Variants in SERPINB12 observed in about 807,000 individuals in gnomAD.
SERPINB12 encodes serpin B12.
Under a neutral mutation model 41.1 loss-of-function variants are expected in SERPINB12, and 57 were observed. The observed-to-expected ratio is 1.39, with a 90% confidence interval of 1.12 to 1.73. SERPINB12 has a LOEUF of 1.73. Ranked by LOEUF, SERPINB12 falls within the 40% of genes most tolerant of loss-of-function variation. SERPINB12 has a pLI of 0.00. For synonymous variants in SERPINB12, 180 were observed against 181.3 expected, an observed-to-expected ratio of 0.99 and a Z score of 0.06; for missense variants, 536 against 501.9, an observed-to-expected ratio of 1.07 and a Z score of -0.65.
At chr18:63,555,909 T>C (rs941925488) in intron 1 of SERPINB12, among the ~76,000 whole-genome samples, 5 of 152,194 alleles carry the variant, frequency 3.3e-5, no homozygotes, top group African/African-American at 1.2e-4. Context: ...TGGTAATTTC[T>C]TATGGCAGCC....
the SERPINB12 span, among the ~76,000 whole-genome samples, chr18:63,520,209 G>A: frequency 2.6e-5 from 4 of 152,194 alleles, no homozygotes; most frequent in Non-Finnish European, 2.9e-5. Flanking sequence ...CTCACACCCA[G>A]TGCAGGCTTG....
At chr18:63,526,125 T>G in the SERPINB12 span, among the ~76,000 whole-genome samples, 2 of 152,198 alleles carry the variant, frequency 1.3e-5, no homozygotes, top group Non-Finnish European at 2.9e-5. Flanking sequence ...CTAGTTGCTG[T>G]ATTTTTGGTA....
At chr18:63,531,639 G>A in the SERPINB12 span, among the ~76,000 whole-genome samples, 3 of 152,116 alleles carry the variant, frequency 2.0e-5, no homozygotes, top group South Asian at 2.1e-4. Flanking sequence ...ACTCAGTTTA[G>A]TGCCTGGCAA....
Position 63,559,688 on chromosome 18 carries a change from T to G in SERPINB12, c.414T>G (p.Leu138=). Residue 138 remains leucine (L), a synonymous_variant, in exon 4 of 8, where the codon CTT becomes CTG. Transcript: ENST00000382768. The stretch of plus-strand genomic sequence containing the variant: ...ACACACTGAGTATTGCCAACAGGCT[T>G]TATGGAGAGCAGGAATTCCCAATCT... ...TDYTLSIANR[L]YGEQEFPICQ... 1 of 1,614,040 alleles carries G rather than the reference T, an allele frequency of 6.2e-7. No homozygotes were observed. The highest frequency in any genetic ancestry group is 8.5e-7 in the Non-Finnish European group (1 of 1,179,968).
At chr18:63,554,881 T>TC (rs1409656042) in intron 1 of SERPINB12, among the ~76,000 whole-genome samples, 1 of 152,114 alleles carries the variant, frequency 6.6e-6, no homozygotes, top group Non-Finnish European at 1.5e-5. Flanking sequence ...GGAGGAAGTT[T>TC]CCCCCATGCT....
chr18:63,558,567 G>C, intron 3 of SERPINB12, 81 bp downstream of exon 3: 1 of 1,440,692 alleles, frequency 6.9e-7, no homozygotes, highest in South Asian at 1.4e-5. Flanking sequence ...GGTGATAGTT[G>C]CTTATCCCCA....
the SERPINB12 span, among the ~76,000 whole-genome samples, chr18:63,523,667 C>G: frequency 3.9e-5 from 6 of 152,164 alleles, no homozygotes; most frequent in Non-Finnish European, 5.9e-5. Context: ...GCCAAGAGTA[C>G]AGAATCAAGT....
In SERPINB12 at chr18:63,559,016, T is replaced by TTCTCTCTTTCTTTCTTTCTTTCTTTCTC. The variant is rs1448711554; in HGVS notation, c.303+533_303+534insCTCTTTCTTTCTTTCTTTCTTTCTCTCT. Among the ~76,000 whole-genome samples, 43 of 60,516 alleles carry TTCTCTCTTTCTTTCTTTCTTTCTTTCTC rather than the reference T, an allele frequency of 7.1e-4. 1 individual carries two copies. The highest frequency in any genetic ancestry group is 1.9e-3 in the African/African-American group (41 of 21,236). 39.7% of individuals were successfully genotyped at this position (60,516 alleles called of 152,430 possible). ...TTTCTTTCCTTCCTTCTTTCTTTCT[T>TTCTCTCTTTCTTTCTTTCTTTCTTTCTC]TCTTTCTTTCTTTCTTTCTTTCTTT... On this transcript the variant is annotated intron_variant, in intron 3 of 7. Transcript: ENST00000382768.
At chr18:63,564,891 A>G (rs565502756) in intron 6 of SERPINB12, among the ~76,000 whole-genome samples, 1 of 152,298 alleles carries the variant, frequency 6.6e-6, no homozygotes, top group South Asian at 2.1e-4. Flanking sequence ...GGAGCTGAAG[A>G]ACTGATTAAA....
At chr18:63,566,207 G>T (rs1193478767) in intron 7 of SERPINB12, among the ~76,000 whole-genome samples, 1 of 152,186 alleles carries the variant, frequency 6.6e-6, no homozygotes, top group African/African-American at 2.4e-5. Context: ...TTCAGAATTT[G>T]CTATGTGCTA....
At chr18:63,519,612 AT>A in the SERPINB12 span, among the ~76,000 whole-genome samples, 12 of 152,220 alleles carry the variant, frequency 7.9e-5, no homozygotes, top group African/African-American at 2.9e-4. Context: ...CATTATTGCA[AT>A]TAACTGTTGA....
chr18:63,568,652 T>C lies in SERPINB12; in HGVS notation c.*1641T>C, dbSNP rs1471809084. 6.6e-6 allele frequency among the ~76,000 whole-genome samples: 1 copy of C among 152,184 alleles called. No homozygotes were observed. Reference sequence around the variant, plus strand: ...TATCGAGGTGGGTTTCAGGTCTTGCTTGCGGCTCAGTTTCCTTGGCCCACC... The same window carrying C: ...TATCGAGGTGGGTTTCAGGTCTTGCCTGCGGCTCAGTTTCCTTGGCCCACC... On this transcript the variant is annotated 3_prime_UTR_variant, in exon 8 of 8. Transcript: ENST00000382768.
At position 63,557,548 on chromosome 18, in the gene SERPINB12, A is replaced by C. The variant is rs558353675; in HGVS notation, c.169-804A>C. Among the ~76,000 whole-genome samples the C allele has an allele frequency of 8.5e-5, 13 of 152,270 alleles. No individual in the cohort carries two copies. The East Asian group carries it at 2.5e-3, about 29-fold the overall frequency. The stretch of plus-strand genomic sequence containing the variant: ...AGTAGAATTTATGGATTAAGACAGA[A>C]TGTGTTTCTGGGGTCATTCTGCTTT... On this transcript the variant is annotated intron_variant, in intron 2 of 7. Transcript: ENST00000382768.
At chr18:63,541,745 G>C (rs973000956), upstream of SERPINB12, among the ~76,000 whole-genome samples, 2 of 152,054 alleles carry the variant, frequency 1.3e-5, no homozygotes, top group African/African-American at 2.4e-5. Context: ...AGATGAGGAA[G>C]ACAGAGGTGA....
rs1480261348 is a variant in SERPINB12, at chr18:63,567,904, C to T, written c.*893C>T. Among the ~76,000 whole-genome samples, 2 of 151,178 alleles carry T rather than the reference C, an allele frequency of 1.3e-5. No individual in the cohort carries two copies. Among genetic ancestry groups the T allele is most frequent in the Non-Finnish European group, 3.0e-5 (2 of 67,734 alleles). ...GGCCTCCGTATGCCCCTCTCTCTGC[C>T]TTCTGGCCACGTGGAGGCTGGCCTC... On this transcript the variant is annotated 3_prime_UTR_variant, in exon 8 of 8. Coordinates refer to ENST00000382768, the MANE Select transcript of SERPINB12 (RefSeq NM_001307928.2).
At position 63,564,120 on chromosome 18, in the gene SERPINB12, G is replaced by A. The variant is rs1014451613; in HGVS notation, c.705G>A (p.Ala235=). ...NTVDAPFCLN[A]NENKSVKMMT... ...TGGATGCACCTTTCTGTCTAAATGC[G>A]GTAGTGTATCAGAACTCATGGTTTT... is the stretch of plus-strand genomic sequence containing the variant. Residue 235 remains alanine (A), a splice_region_variant and synonymous_variant, in exon 6 of 8, where the codon GCG becomes GCA. Transcript: ENST00000382768. The A allele has an allele frequency of 8.7e-6, 14 of 1,610,988 alleles. No individual in the cohort carries two copies. Among genetic ancestry groups the A allele is most frequent in the East Asian group, 2.2e-5 (1 of 44,856 alleles).
At chr18:63,526,451 A>G in the SERPINB12 span, among the ~76,000 whole-genome samples, 144 of 152,294 alleles carry the variant, frequency 9.5e-4, no homozygotes, top group Non-Finnish European at 1.5e-3. Context: ...GGGATTACAG[A>G]TGTGAGTCAT....
rs557854023 is a variant in SERPINB12 at position 63,567,869 on chromosome 18, G to A, written c.*858G>A. On this transcript the variant is annotated 3_prime_UTR_variant, in exon 8 of 8. Transcript: ENST00000382768. ...TGTCAAGAGAAGTGCTGCTGGCATT[G>A]TGGACGGCTGGCCTCCGTATGCCCC... Among the ~76,000 whole-genome samples, 4 of 152,362 alleles carry A rather than the reference G, an allele frequency of 2.6e-5. No individual in the cohort carries two copies. The highest frequency in any genetic ancestry group is 9.6e-5 in the African/African-American group (4 of 41,590).
chr18:63,558,369 A>T lies in SERPINB12; in HGVS notation c.186A>T (p.Glu62Asp). 6.8e-6 allele frequency: 11 copies of T among 1,613,662 alleles called. No homozygotes were observed. The highest frequency in any genetic ancestry group is 9.3e-6 in the Non-Finnish European group (11 of 1,179,798). ...TCATGCAGGTACTACACTTCAACGA[A>T]TTTTCCCAGAATGAAAGCAAAGAAC... ...HQIDEVLHFN[E>D]FSQNESKEPD... Residue 62 changes from glutamate to aspartate, a missense_variant, in exon 3 of 8, where the codon GAA (glutamate) becomes GAT (aspartate). Coordinates refer to ENST00000382768, the MANE Select transcript of SERPINB12 (RefSeq NM_001307928.2).
Sources: allele counts gnomAD v4.1 joint callset (sites outside exome capture counted in the v4.1 genomes callset), GRCh38; gene constraint gnomAD v4.1.1; transcripts MANE v1.5; gene names NCBI Gene and HGNC (gene_info 2026-07-23, HGNC 2026-07-21).